The following NELL2 variants were observed in gnomAD, a reference collection of about 807,000 sequenced individuals.
The protein encoded by NELL2 is protein kinase C-binding protein NELL2.
In NELL2, 41 loss-of-function variants were observed where a neutral mutation model predicts 109.6. That is an observed-to-expected ratio of 0.37 (90% CI 0.29 to 0.49). The LOEUF (loss-of-function observed/expected upper bound fraction) is 0.49. Ranked by LOEUF, NELL2 falls within the 20% of genes least tolerant of loss-of-function variation. The probability of loss-of-function intolerance (pLI) is 0.98; values close to 1 mark genes in which losing one functional copy is unlikely to be tolerated. For synonymous variants in NELL2, 355 were observed against 344.7 expected (o/e 1.03, Z -0.33); for missense variants, 900 against 1,008.3 (o/e 0.89, Z 1.45).
chr12:44,818,388 T>C (rs888829669), intron 2 of NELL2, among the ~76,000 whole-genome samples: 4 of 152,236 alleles, frequency 2.6e-5, no homozygotes, highest in Non-Finnish European at 5.9e-5. Context: ...TTCAGCAGCA[T>C]CCTTTGTCTT....
upstream of NELL2, among the ~76,000 whole-genome samples, chr12:44,877,584 G>T (rs1431100306): frequency 6.6e-6 from 1 of 152,150 alleles, no homozygotes; most frequent in African/African-American, 2.4e-5. Context: ...TGAGCCCCCT[G>T]CAAGGCAGGA....
Position 44,703,753 on chromosome 12 carries a change from G to C in NELL2, c.1291C>G (p.Leu431Val). 1 of 1,613,320 alleles carries C rather than the reference G, an allele frequency of 6.2e-7. No individual in the cohort carries two copies. The highest frequency in any genetic ancestry group is 8.5e-7 in the Non-Finnish European group (1 of 1,179,610). Residue 431 changes from leucine to valine, a missense_variant, in exon 12 of 20, where the codon CTT becomes GTT. Physicochemically the swap from Leu to Val is conservative, Grantham distance 32. This residue lies in a region of NELL2 where 292 missense variants were observed against 265.3 expected (regional missense o/e 1.10). Transcript: ENST00000429094. Reference sequence around the variant, plus strand: ...TCACAGTAGGCATTATCCTCTCGAAGAGCCCTAAAACCATCTCGACAGCTA... The same window carrying C: ...TCACAGTAGGCATTATCCTCTCGAACAGCCCTAAAACCATCTCGACAGCTA... ...VCSCRDGFRA[L>V]REDNAYCEDI...
chr12:44,900,264 A>G (rs1420049068), intron 1 of NELL2, among the ~76,000 whole-genome samples: 1 of 152,204 alleles, frequency 6.6e-6, no homozygotes, highest in Non-Finnish European at 1.5e-5. Context: ...AAGCAGACCT[A>G]ATGGACATCT....
At chr12:44,819,851 T>A (rs1943481984) in intron 2 of NELL2, among the ~76,000 whole-genome samples, 1 of 152,156 alleles carries the variant, frequency 6.6e-6, no homozygotes, top group African/African-American at 2.4e-5. Context: ...ACAATAATAT[T>A]CTTTTTTTCT....
intron 9 of NELL2, among the ~76,000 whole-genome samples, chr12:44,772,799 T>G (rs1415420654): frequency 6.6e-6 from 1 of 152,176 alleles, no homozygotes; most frequent in Non-Finnish European, 1.5e-5. Flanking sequence ...TTTTTTTCAT[T>G]ATGTTGTGGT....
chr12:44,699,335 C>T (rs1054093975), intron 12 of NELL2, among the ~76,000 whole-genome samples: 28 of 151,942 alleles, frequency 1.8e-4, no homozygotes, highest in African/African-American at 6.5e-4. Flanking sequence ...TTCTAGATCC[C>T]TTATAGGAAA....
chr12:44,665,382 T>G, intron 13 of NELL2, 102 bp downstream of exon 13: 1 of 960,908 alleles, frequency 1.0e-6, no homozygotes, highest in Non-Finnish European at 1.5e-6. Flanking sequence ...AATGTTTTGT[T>G]GTATTTATGG....
At chr12:44,590,367 T>C (rs1944700071) in intron 15 of NELL2, among the ~76,000 whole-genome samples, 1 of 152,184 alleles carries the variant, frequency 6.6e-6, no homozygotes, top group African/African-American at 2.4e-5. Flanking sequence ...CATTTTGAAG[T>C]CCCTGTGAAT....
intron 17 of NELL2, 69 bp from the exon 18 acceptor site, chr12:44,522,245 G>T: frequency 8.3e-7 from 1 of 1,207,284 alleles, no homozygotes; most frequent in Non-Finnish European, 1.2e-6. Context: ...ACACACACAC[G>T]CACACACATT....
intron 1 of NELL2, among the ~76,000 whole-genome samples, chr12:44,889,052 C>T (rs1448468128): frequency 6.6e-6 from 1 of 151,946 alleles, no homozygotes; most frequent in Non-Finnish European, 1.5e-5. Context: ...GGGGTCAAGT[C>T]TACATTGCCA....
chr12:44,583,686 C>T (rs1467930540), intron 15 of NELL2, among the ~76,000 whole-genome samples: 1 of 152,180 alleles, frequency 6.6e-6, no homozygotes, highest in African/African-American at 2.4e-5. Context: ...ACGAAATGAA[C>T]ACTAAGTGTT....
At chr12:44,673,628 C>T (rs1003266310) in intron 12 of NELL2, among the ~76,000 whole-genome samples, 10 of 152,170 alleles carry the variant, frequency 6.6e-5, no homozygotes, top group Admixed American at 2.6e-4. Flanking sequence ...CATGGACCTT[C>T]GCATCCCATC....
intron 9 of NELL2, among the ~76,000 whole-genome samples, chr12:44,723,408 T>C (rs1245456458): frequency 1.3e-5 from 2 of 152,178 alleles, no homozygotes; most frequent in Non-Finnish European, 2.9e-5. Context: ...TTATCCTATG[T>C]TATCTGATGG....
intron 9 of NELL2, among the ~76,000 whole-genome samples, chr12:44,739,286 T>C (rs1399114818): frequency 6.6e-6 from 1 of 152,110 alleles, no homozygotes; most frequent in Admixed American, 6.5e-5. Context: ...GCCTGTGGGA[T>C]TTTTCCAAAA....
chr12:44,638,066 C>G (rs1312379351), intron 13 of NELL2, among the ~76,000 whole-genome samples: 2 of 152,076 alleles, frequency 1.3e-5, no homozygotes, highest in Non-Finnish European at 2.9e-5. Context: ...CTTTCACTCT[C>G]ACTCCCGAGA....
At position 44,623,793 on chromosome 12, in the gene NELL2, A is replaced by C. The variant is rs61478403; in HGVS notation, c.1445-12823T>G. Reference sequence around the variant, plus strand: ...CCAATCAGACTGTTGCTCAGACATGAATAGAAACGTGACCCGAAGACCAGA... The same window carrying C: ...CCAATCAGACTGTTGCTCAGACATGCATAGAAACGTGACCCGAAGACCAGA... On this transcript the variant is annotated intron_variant, in intron 13 of 19. Coordinates refer to ENST00000429094, the MANE Select transcript of NELL2 (RefSeq NM_001145108.2). Among the ~76,000 whole-genome samples the C allele has an allele frequency of 1.1e-3, 161 of 152,288 alleles. 1 individual carries two copies. In the East Asian group the frequency reaches 0.023, roughly 22 times the overall value.
At chr12:44,522,446 C>T (rs1941581970) in intron 17 of NELL2, among the ~76,000 whole-genome samples, 1 of 151,852 alleles carries the variant, frequency 6.6e-6, no homozygotes, top group South Asian at 2.1e-4. Flanking sequence ...ATAAAATAAC[C>T]ACTGTGTATA....
chr12:44,908,456 T>C (rs1375465395), intron 1 of NELL2, among the ~76,000 whole-genome samples: 2 of 151,984 alleles, frequency 1.3e-5, no homozygotes, highest in African/African-American at 4.8e-5. Context: ...ATTCATGGAA[T>C]TGAGATTTTG....
intron 14 of NELL2, among the ~76,000 whole-genome samples, chr12:44,607,751 G>T (rs1299899286): frequency 1.3e-5 from 2 of 152,200 alleles, no homozygotes; most frequent in Admixed American, 1.3e-4. Flanking sequence ...TTGTAAGCGG[G>T]TCCTGGTAAT....
Sources: gnomAD v4.1 joint callset for allele counts (sites outside exome capture counted in the v4.1 genomes callset) on GRCh38, gnomAD v4.1.1 for gene constraint, gnomAD v4.1.1 regional missense constraint, MANE v1.5 for transcripts, NCBI Gene and HGNC (gene_info 2026-07-23, HGNC 2026-07-21) for gene names.